Variants in NDRG4 observed in about 807,000 individuals in gnomAD.
NDRG4 encodes NDRG family member 4.
Under a neutral mutation model 55.8 loss-of-function variants are expected in NDRG4, and 38 were observed. That is an observed-to-expected ratio of 0.68 (90% CI 0.53 to 0.89). The LOEUF (loss-of-function observed/expected upper bound fraction) is 0.89. NDRG4 is among the 40% of genes least tolerant of loss of function. NDRG4 has a pLI of 0.00. For synonymous variants in NDRG4, 190 were observed against 182.7 expected, an observed-to-expected ratio of 1.04 and a Z score of -0.32; for missense variants, 455 against 468.6, an observed-to-expected ratio of 0.97 and a Z score of 0.27.
chr16:58,476,816 T>G (rs1275487752), intron 1 of NDRG4, among the ~76,000 whole-genome samples: 2 of 152,210 alleles, frequency 1.3e-5, no homozygotes, highest in Non-Finnish European at 2.9e-5. Context: ...ATTTTCCTTT[T>G]TAAAAATTTA....
chr16:58,474,053 T>G (rs896227708), intron 1 of NDRG4, among the ~76,000 whole-genome samples: 2 of 118,846 alleles, frequency 1.7e-5, no homozygotes, highest in African/African-American at 6.0e-5. Flanking sequence ...TTTTTTTTTT[T>G]TGAGAGAGAA....
At chr16:58,509,911 C>T (rs928111874) in intron 13 of NDRG4, among the ~76,000 whole-genome samples, 1 of 152,004 alleles carries the variant, frequency 6.6e-6, no homozygotes, top group Non-Finnish European at 1.5e-5. Context: ...AAATCTGGGT[C>T]TGGGGTGGAA....
chr16:58,507,586 T>G, intron 8 of NDRG4: 1 of 556,616 alleles, frequency 1.8e-6, no homozygotes, highest in Non-Finnish European at 3.2e-6. Flanking sequence ...ACAGCACAGG[T>G]GGCGGTGCGC....
Position 58,464,364 on chromosome 16 carries a change from TC to T in NDRG4, c.-24+571del. The T allele has an allele frequency of 1.5e-6, 2 of 1,334,684 alleles. No individual in the cohort carries two copies. 82.7% of individuals were successfully genotyped at this position (1,334,684 alleles called of 1,614,324 possible). ...CCGCTCCGGGTCTCCCGCGCTCCTC[TC>T]CCCGGCTCGGCCGAGCGCGCTGCCC... On this transcript the variant is annotated intron_variant, in intron 1 of 15. Coordinates refer to the NDRG4 transcript ENST00000258187. This position sits in a 1 kb window ranked among gnomAD's most constrained non-coding sequence, Gnocchi z 4.8.
chr16:58,509,225 G>A (rs1289143396), intron 12 of NDRG4, 36 bp downstream of exon 12: 1 of 1,613,978 alleles, frequency 6.2e-7, no homozygotes, highest in South Asian at 1.1e-5. Context: ...TACATCTATG[G>A]GGAGGGGGAA....
chr16:58,472,285 C>A (rs898841245), intron 1 of NDRG4: 2 of 152,362 alleles, frequency 1.3e-5, no homozygotes, highest in Admixed American at 6.5e-5. Context: ...CCCTTGCAAC[C>A]CACAACCTAA....
chr16:58,501,137 C>T (rs895920982), intron 1 of NDRG4: 12 of 1,141,106 alleles, frequency 1.1e-5, no homozygotes, highest in Middle Eastern at 3.3e-4. Flanking sequence ...CCCCCACCCC[C>T]GGGCCCCACA....
chr16:58,465,142 A>G (rs1440088171), intron 1 of NDRG4: 2 of 1,277,410 alleles, frequency 1.6e-6, no homozygotes, highest in African/African-American at 1.5e-5. Context: ...GTGTGGAGAG[A>G]CCCAGACAGG....
At chr16:58,515,346 G>T, downstream of NDRG4, 1 of 602,828 alleles carries the variant, frequency 1.7e-6, no homozygotes, top group Non-Finnish European at 2.8e-6. Flanking sequence ...CACTCGCAGC[G>T]CGTGAGTGCA....
At position 58,506,591 on chromosome 16, in the gene NDRG4, G is replaced by A; in HGVS notation, c.493G>A (p.Val165Met). The change falls in exon 7 of 15, where the codon GTG (valine) becomes ATG (methionine). Residue 165 changes from valine (V) to methionine (M), a missense_variant. Transcript: ENST00000570248. Reference protein sequence around the residue: ...SGLTSTLPDTVLSHLFSQEEL... With the variant: ...SGLTSTLPDTMLSHLFSQEEL... ...CCTAACTAGCACTTTACCCGACACG[G>A]TGCTCTCCCACCTCTTCAGCCAGGT... The A allele has an allele frequency of 6.4e-7, 1 of 1,570,698 alleles. No homozygotes were observed. The highest frequency in any genetic ancestry group is 8.6e-7 in the Non-Finnish European group (1 of 1,161,118).
At chr16:58,473,986 C>T (rs1160557551) in intron 1 of NDRG4, among the ~76,000 whole-genome samples, 1 of 150,854 alleles carries the variant, frequency 6.6e-6, no homozygotes. Context: ...CTGGCTCACT[C>T]TGCTCCAGCC....
chr16:58,508,632 G>A (rs1331302129), intron 10 of NDRG4, among the ~76,000 whole-genome samples: 2 of 152,154 alleles, frequency 1.3e-5, no homozygotes, highest in East Asian at 1.9e-4. Context: ...TCAGACCCTC[G>A]GCACCCCTCA....
chr16:58,464,703 G>A lies in NDRG4; in HGVS notation c.-24+906G>A. The A allele has an allele frequency of 8.4e-7, 1 of 1,197,326 alleles. No individual in the cohort carries two copies. Among genetic ancestry groups the A allele is most frequent in the Non-Finnish European group, 1.1e-6 (1 of 943,250 alleles). The allele number at this position is 1,197,326 out of a possible 1,614,324, so 74.2% of individuals were successfully genotyped here. A position where few individuals can be genotyped will look rare whatever the true frequency, so the allele number is the denominator to read the frequency against. On this transcript the variant is annotated intron_variant, in intron 1 of 15. Coordinates refer to the NDRG4 transcript ENST00000258187. This position sits in a 1 kb window ranked among gnomAD's most constrained non-coding sequence, Gnocchi z 4.8. The stretch of plus-strand genomic sequence containing the variant: ...CTGCGGGAGCACCGGTCAGGGGGTG[G>A]CCCCATGGGGTCTCTGACCAGCGGA...
chr16:58,476,229 A>G (rs866418985), intron 1 of NDRG4, among the ~76,000 whole-genome samples: 4 of 152,242 alleles, frequency 2.6e-5, no homozygotes, highest in South Asian at 2.1e-4. Context: ...GGGGATTATT[A>G]TTAAGGAAGA....
intron 1 of NDRG4, among the ~76,000 whole-genome samples, chr16:58,468,492 G>A (rs917209111): frequency 6.6e-6 from 1 of 152,208 alleles, no homozygotes; most frequent in Non-Finnish European, 1.5e-5. Context: ...AGGCCCAGAT[G>A]GGTGGATCAC....
chr16:58,497,947 C>T (rs542332452), upstream of NDRG4, among the ~76,000 whole-genome samples: 8 of 152,084 alleles, frequency 5.3e-5, no homozygotes, highest in East Asian at 1.5e-3. Context: ...AAGCCTGAGA[C>T]ACAGAGAGGT....
intron 1 of NDRG4, among the ~76,000 whole-genome samples, chr16:58,469,622 A>G (rs902968160): frequency 1.3e-5 from 2 of 152,268 alleles, no homozygotes; most frequent in Non-Finnish European, 2.9e-5. Context: ...GCGTAACAGT[A>G]GAGCAGCAGT....
At chr16:58,502,909 T>A (rs775055219) in intron 1 of NDRG4, among the ~76,000 whole-genome samples, 1 of 152,208 alleles carries the variant, frequency 6.6e-6, no homozygotes, top group Non-Finnish European at 1.5e-5. Flanking sequence ...AAGGGCATTC[T>A]CCCAAGGCTC....
At chr16:58,511,370 G>A (rs770904870) in intron 14 of NDRG4, 52 bp from the exon 15 acceptor site, 53 of 1,530,194 alleles carry the variant, frequency 3.5e-5, no homozygotes, top group Non-Finnish European at 4.4e-5. Flanking sequence ...TCCCACCAGA[G>A]GCACCTGGCC....
Sources: gnomAD v4.1 joint callset for allele counts (sites outside exome capture counted in the v4.1 genomes callset) on GRCh38, gnomAD v4.1.1 for gene constraint, Gnocchi (gnomAD v3.1) non-coding constraint, MANE v1.5 for transcripts, NCBI Gene and HGNC (gene_info 2026-07-23, HGNC 2026-07-21) for gene names.